CAMTA1: variants seen among roughly 807,000 people sequenced by gnomAD.
The protein encoded by CAMTA1 is calmodulin-binding transcription activator 1.
Under a neutral mutation model 170.9 loss-of-function variants are expected in CAMTA1, and 27 were observed. The ratio of observed to expected loss-of-function variants is 0.16; its 90% CI spans 0.12 to 0.22. The LOEUF is 0.22. Among genes scored for constraint, CAMTA1 ranks in the 10% least tolerant of loss-of-function variants. The pLI is 1.00. For missense variants in CAMTA1, 1,619 were observed against 2,217.2 expected (o/e 0.73, Z 5.42); for synonymous variants, 833 against 891.5 (o/e 0.93, Z 1.17).
At chr1:7,255,829 T>C (rs1006369240) in intron 5 of CAMTA1, among the ~76,000 whole-genome samples, 4 of 152,178 alleles carry the variant, frequency 2.6e-5, no homozygotes, top group African/African-American at 7.2e-5. Context: ...ACCCCAACCC[T>C]GTGATTCAGT....
intron 6 of CAMTA1, among the ~76,000 whole-genome samples, chr1:7,607,591 T>C (rs1237415561): frequency 6.6e-6 from 1 of 151,488 alleles, no homozygotes; most frequent in East Asian, 1.9e-4. Context: ...TGGATAGATG[T>C]GTGGATAGGT....
intron 3 of CAMTA1, among the ~76,000 whole-genome samples, chr1:6,989,670 AC>A (rs1214514085): frequency 6.6e-6 from 1 of 152,030 alleles, no homozygotes; most frequent in Non-Finnish European, 1.5e-5. Flanking sequence ...CCCCCACGTC[AC>A]TGGCAGGGGT....
At chr1:6,949,988 G>A (rs994932634) in intron 3 of CAMTA1, among the ~76,000 whole-genome samples, 1 of 152,268 alleles carries the variant, frequency 6.6e-6, no homozygotes, top group Non-Finnish European at 1.5e-5. Context: ...ACGTGGCAGA[G>A]CCAGAATGGG....
intron 4 of CAMTA1, among the ~76,000 whole-genome samples, chr1:7,208,914 A>G (rs575375137): frequency 2.0e-5 from 3 of 152,264 alleles, no homozygotes; most frequent in East Asian, 1.9e-4. Flanking sequence ...TATGTGCTAC[A>G]GTGACCATTG....
In CAMTA1 at chr1:7,163,316, TG is replaced by T. The variant is rs1343115273; in HGVS notation, c.302+71951del. ...TGGGGTGGGGGGAAAGGTCACTGGA[TG>T]GGGGGAGACCAAGGAGCGGGAGGCC... On this transcript the variant is annotated intron_variant, in intron 4 of 22. Transcript: ENST00000303635. Among the ~76,000 whole-genome samples, 2 of 86,668 alleles carry T rather than the reference TG, an allele frequency of 2.3e-5. 1 individual carries two copies. Among genetic ancestry groups the T allele is most frequent in the Non-Finnish European group, 4.2e-5 (2 of 47,456 alleles). The allele number at this position is 86,668 out of a possible 152,430, so 56.9% of individuals were successfully genotyped here.
chr1:6,944,584 C>G (rs1024465777), intron 3 of CAMTA1, among the ~76,000 whole-genome samples: 16 of 152,198 alleles, frequency 1.1e-4, no homozygotes, highest in African/African-American at 3.4e-4. Flanking sequence ...CGGTCCCATG[C>G]TGTCCTCCAC....
intron 5 of CAMTA1, among the ~76,000 whole-genome samples, chr1:7,340,707 T>C (rs2149808648): frequency 6.7e-6 from 1 of 149,286 alleles, no homozygotes; most frequent in South Asian, 2.2e-4. Context: ...CATGTATCCT[T>C]CCACCTGTGC....
chr1:7,575,515 G>A (rs2095180459), intron 6 of CAMTA1, among the ~76,000 whole-genome samples: 1 of 152,210 alleles, frequency 6.6e-6, no homozygotes, highest in African/African-American at 2.4e-5. Flanking sequence ...CCTGAGGCAG[G>A]AGAAAGGAAA....
At chr1:6,787,758 C>T (rs1274272919) in intron 1 of CAMTA1, among the ~76,000 whole-genome samples, 2 of 152,210 alleles carry the variant, frequency 1.3e-5, no homozygotes, top group African/African-American at 4.8e-5. Context: ...CCTGAATGTG[C>T]GAAGCGTACA....
At chr1:7,066,636 A>T (rs1708998076) in intron 3 of CAMTA1, among the ~76,000 whole-genome samples, 1 of 152,242 alleles carries the variant, frequency 6.6e-6, no homozygotes, top group Non-Finnish European at 1.5e-5. Flanking sequence ...CTCCTTGCTT[A>T]AAGAGAAAAC....
chr1:7,696,977 G>A (rs2096383325), intron 11 of CAMTA1, among the ~76,000 whole-genome samples: 2 of 152,146 alleles, frequency 1.3e-5, no homozygotes, highest in Non-Finnish European at 2.9e-5. Flanking sequence ...AGAGGTCTGG[G>A]CCTAGGTCGT....
At position 7,383,463 on chromosome 1, in the gene CAMTA1, C is replaced by A. The variant is rs77779414; in HGVS notation, c.439-84367C>A. Reference sequence around the variant, plus strand: ...TGGTCCTGTCTGCCCAGTAACTAACCTTGGACAAGTTAGGTTAACTTCTGT... The same window carrying A: ...TGGTCCTGTCTGCCCAGTAACTAACATTGGACAAGTTAGGTTAACTTCTGT... On this transcript the variant is annotated intron_variant, in intron 5 of 22. Transcript: ENST00000303635. 1.6e-4 allele frequency among the ~76,000 whole-genome samples: 24 copies of A among 152,308 alleles called. No homozygotes were observed. In the East Asian group the frequency reaches 4.0e-3, roughly 26 times the overall value.
intron 6 of CAMTA1, among the ~76,000 whole-genome samples, chr1:7,535,078 CG>C (rs2094533763): frequency 6.6e-6 from 1 of 152,164 alleles, no homozygotes; most frequent in African/African-American, 2.4e-5. Context: ...CGCCCCACCC[CG>C]GGCCAGCCAC....
intron 3 of CAMTA1, among the ~76,000 whole-genome samples, chr1:6,885,883 G>A (rs2149103057): frequency 6.6e-6 from 1 of 152,256 alleles, no homozygotes; most frequent in Non-Finnish European, 1.5e-5. Context: ...TTCCCCTGGA[G>A]GGCAGCCCGC....
In CAMTA1 at chr1:7,007,264, G is replaced by A. The variant is rs1048596227; in HGVS notation, c.235-84040G>A. Among the ~76,000 whole-genome samples the A allele has an allele frequency of 2.6e-5, 4 of 152,158 alleles. No individual in the cohort carries two copies. The highest frequency in any genetic ancestry group is 2.1e-4 in the South Asian group (1 of 4,822). On this transcript the variant is annotated intron_variant, in intron 3 of 22. Coordinates refer to ENST00000303635, the MANE Select transcript of CAMTA1 (RefSeq NM_015215.4). The surrounding 1 kb of genome is among the most constrained non-coding windows in gnomAD (Gnocchi z 4.5). The stretch of plus-strand genomic sequence containing the variant: ...CCACATTGTCACAGCAGCTTGGAGC[G>A]TGGAAGCACACATATAATCATCACT...
intron 4 of CAMTA1, among the ~76,000 whole-genome samples, chr1:7,227,783 T>G (rs529782869): frequency 6.6e-6 from 1 of 152,358 alleles, no homozygotes; most frequent in South Asian, 2.1e-4. Flanking sequence ...TCTCTCTTGC[T>G]GCAACAGGAT....
At chr1:7,344,003 C>A (rs1048456628) in intron 5 of CAMTA1, among the ~76,000 whole-genome samples, 1 of 152,168 alleles carries the variant, frequency 6.6e-6, no homozygotes, top group East Asian at 1.9e-4. Context: ...CCAGAATAGT[C>A]ATCTTTGTGT....
At chr1:7,111,807 C>T (rs1226517797) in intron 4 of CAMTA1, among the ~76,000 whole-genome samples, 3 of 150,752 alleles carry the variant, frequency 2.0e-5, no homozygotes, top group Non-Finnish European at 4.4e-5. Context: ...ATCACTTGAA[C>T]CCGGGAGGTG....
intron 11 of CAMTA1, among the ~76,000 whole-genome samples, chr1:7,720,757 G>A (rs1297566894): frequency 6.6e-6 from 1 of 152,220 alleles, no homozygotes; most frequent in Admixed American, 6.5e-5. Context: ...GTGTGTGCCT[G>A]TGAAGAAGTC....
Sources: gnomAD v4.1 joint callset for allele counts (sites outside exome capture counted in the v4.1 genomes callset) on GRCh38, gnomAD v4.1.1 for gene constraint, Gnocchi (gnomAD v3.1) non-coding constraint, MANE v1.5 for transcripts, NCBI Gene and HGNC (gene_info 2026-07-23, HGNC 2026-07-21) for gene names.